Variants in DCLK1 observed in about 807,000 individuals in gnomAD.
DCLK1 encodes the protein doublecortin like kinase 1.
In DCLK1, 16 loss-of-function variants were observed where a neutral mutation model predicts 86.2. The observed-to-expected ratio is 0.19, with a 90% confidence interval of 0.13 to 0.28. The LOEUF is 0.28. Among genes scored for constraint, DCLK1 ranks in the 10% least tolerant of loss-of-function variants. The probability of loss-of-function intolerance (pLI) is 1.00; values close to 1 mark genes in which losing one functional copy is unlikely to be tolerated. For synonymous variants in DCLK1, 369 were observed against 370.5 expected, an observed-to-expected ratio of 1.00 and a Z score of 0.05; for missense variants, 590 against 940.2, an observed-to-expected ratio of 0.63 and a Z score of 4.87.
intron 3 of DCLK1, among the ~76,000 whole-genome samples, chr13:35,982,431 AGGGGGAGGGAGGGAGGGAGG>A (rs1371682123): frequency 0.013 from 516 of 40,992 alleles, 13 homozygotes; most frequent in Middle Eastern, 0.038. Flanking sequence ...AGAGAGAGAG[AGGGGGAGGGAGGGAGGGAGG>A]GAGGGAGGGA....
At chr13:35,942,167 ATT>A (rs548716235) in intron 4 of DCLK1, among the ~76,000 whole-genome samples, 1 of 148,354 alleles carries the variant, frequency 6.7e-6, no homozygotes, top group South Asian at 2.2e-4. Context: ...TCTAAAGGAC[ATT>A]TTTTTTTTGT....
chr13:35,905,482 C>CA (rs1035761812), intron 4 of DCLK1, among the ~76,000 whole-genome samples: 3 of 152,194 alleles, frequency 2.0e-5, no homozygotes, highest in Non-Finnish European at 2.9e-5. Flanking sequence ...TCCACAAGGT[C>CA]AAAGCCCATG....
At chr13:35,807,272 A>G (rs1411715461) in intron 14 of DCLK1, among the ~76,000 whole-genome samples, 1 of 152,228 alleles carries the variant, frequency 6.6e-6, no homozygotes, top group Non-Finnish European at 1.5e-5. Context: ...TTTCAAGTGC[A>G]CAGTTCACTG....
chr13:36,050,145 T>A (rs1454908746), intron 3 of DCLK1, among the ~76,000 whole-genome samples: 1 of 152,188 alleles, frequency 6.6e-6, no homozygotes, highest in Non-Finnish European at 1.5e-5. Context: ...AAACTTTCAT[T>A]TTATAACTGA....
chr13:35,840,574 A>G (rs762422916), intron 6 of DCLK1, among the ~76,000 whole-genome samples: 1 of 152,180 alleles, frequency 6.6e-6, no homozygotes, highest in Non-Finnish European at 1.5e-5. Context: ...CCTGAATACT[A>G]CACAGTTTGT....
chr13:36,124,845 T>C (rs542354589), intron 2 of DCLK1, among the ~76,000 whole-genome samples: 1 of 152,278 alleles, frequency 6.6e-6, no homozygotes, highest in South Asian at 2.1e-4. Context: ...TTCAGAAAAA[T>C]CAACCCTCCA....
chr13:35,848,003 C>A, intron 6 of DCLK1: 1 of 985,230 alleles, frequency 1.0e-6, no homozygotes, highest in Non-Finnish European at 1.2e-6. Context: ...TTTTGCACTT[C>A]TAAAATGCTG....
chr13:35,855,239 A>G lies in DCLK1; in HGVS notation c.941-646T>C, dbSNP rs1445703526. Among the ~76,000 whole-genome samples the G allele has an allele frequency of 3.9e-5, 6 of 152,218 alleles. No homozygotes were observed. In the East Asian group the frequency reaches 9.6e-4, roughly 24 times the overall value. On this transcript the variant is annotated intron_variant, in intron 5 of 16. Coordinates refer to ENST00000360631, the MANE Select transcript of DCLK1 (RefSeq NM_001330071.2). ...TCACTGGAATTCTACCCAGTTCTCA[A>G]GAGTTTTATGCACATTTTCACTAAA...
intron 2 of DCLK1, among the ~76,000 whole-genome samples, chr13:36,122,891 C>G (rs1485621337): frequency 6.6e-5 from 10 of 152,146 alleles, no homozygotes; most frequent in Non-Finnish European, 1.3e-4. Context: ...TAAATACATA[C>G]AGCTAGCTCT....
chr13:36,114,208 A>T (rs9575306), intron 2 of DCLK1, among the ~76,000 whole-genome samples: 27,652 of 152,228 alleles, frequency 0.18, 3,062 homozygotes, highest in East Asian at 0.44. Flanking sequence ...AACACTTTTT[A>T]AAAATATCTT....
intron 3 of DCLK1, among the ~76,000 whole-genome samples, chr13:35,990,233 AC>A (rs1482642043): frequency 3.3e-5 from 5 of 152,340 alleles, no homozygotes; most frequent in Non-Finnish European, 5.9e-5. Flanking sequence ...ATACCAAAAT[AC>A]AAATGAAAAG....
chr13:35,774,819 T>C, intron 16 of DCLK1, 120 bp from the exon 17 acceptor site: 1 of 1,146,834 alleles, frequency 8.7e-7, no homozygotes, highest in Non-Finnish European at 1.2e-6. Context: ...CTGTCCATCA[T>C]GGCACACTTT....
At chr13:35,947,932 T>C (rs1877473237) in intron 3 of DCLK1, among the ~76,000 whole-genome samples, 1 of 152,208 alleles carries the variant, frequency 6.6e-6, no homozygotes, top group Non-Finnish European at 1.5e-5. Flanking sequence ...ATTCTACCTC[T>C]AGTTGAAAGA....
chr13:36,011,606 T>C (rs1289085259), intron 3 of DCLK1, among the ~76,000 whole-genome samples: 2 of 151,584 alleles, frequency 1.3e-5, no homozygotes, highest in East Asian at 1.9e-4. Context: ...TTGTTATAAT[T>C]TCTGTTCTTT....
intron 3 of DCLK1, among the ~76,000 whole-genome samples, chr13:36,096,712 G>A (rs1363610298): frequency 1.3e-5 from 2 of 152,146 alleles, no homozygotes; most frequent in Admixed American, 6.5e-5. Flanking sequence ...CTTGAAATAT[G>A]TTAATATCAT....
intron 4 of DCLK1, among the ~76,000 whole-genome samples, chr13:35,891,607 GA>G (rs1383679446): frequency 6.6e-6 from 1 of 152,170 alleles, no homozygotes; most frequent in Non-Finnish European, 1.5e-5. Flanking sequence ...TTAAGTGGGT[GA>G]ATTGTATGGT....
intron 3 of DCLK1, among the ~76,000 whole-genome samples, chr13:36,105,839 A>G (rs1490132780): frequency 6.6e-6 from 1 of 152,134 alleles, no homozygotes; most frequent in East Asian, 1.9e-4. Flanking sequence ...TAACTGACTG[A>G]CCAGCTGACT....
intron 3 of DCLK1, among the ~76,000 whole-genome samples, chr13:35,948,277 C>T (rs1877489392): frequency 6.6e-6 from 1 of 152,204 alleles, no homozygotes. Flanking sequence ...ACTAGGAACA[C>T]TGCTGATTTT....
intron 16 of DCLK1, among the ~76,000 whole-genome samples, chr13:35,775,913 A>G (rs2086417030): frequency 6.6e-6 from 1 of 152,238 alleles, no homozygotes; most frequent in Non-Finnish European, 1.5e-5. Context: ...TCCAAAATGA[A>G]GTAATAAAGA....
Sources: allele counts gnomAD v4.1 joint callset (sites outside exome capture counted in the v4.1 genomes callset), GRCh38; gene constraint gnomAD v4.1.1; transcripts MANE v1.5; gene names NCBI Gene and HGNC (gene_info 2026-07-23, HGNC 2026-07-21).